ADAT1: variants seen among roughly 807,000 people sequenced by gnomAD.
ADAT1 encodes adenosine deaminase tRNA specific 1.
Under a neutral mutation model 58.6 loss-of-function variants are expected in ADAT1, and 58 were observed. That is an observed-to-expected ratio of 0.99 (90% confidence interval 0.80 to 1.23). The LOEUF is 1.23. Ranked by LOEUF, ADAT1 falls within the 50% of genes most tolerant of loss-of-function variation. ADAT1 has a pLI of 0.00. For synonymous variants in ADAT1, 254 were observed against 220.8 expected (o/e 1.15, Z -1.33); for missense variants, 741 against 608.6 (o/e 1.22, Z -2.29).
In ADAT1 at chr16:75,604,028, G is replaced by C. The variant is rs924590434; in HGVS notation, c.1290-857C>G. Among the ~76,000 whole-genome samples, 16 of 152,202 alleles carry C rather than the reference G, an allele frequency of 1.1e-4. No individual in the cohort carries two copies. In the East Asian group the frequency reaches 3.1e-3, roughly 29 times the overall value. On this transcript the variant is annotated intron_variant, in intron 8 of 9. Coordinates refer to ENST00000564657, the MANE Select transcript of ADAT1 (RefSeq NM_001324445.2). ...GAGCACTCAGACACTGCTCTCCCAG[G>C]GCCTTAGCTGGAGTGGCTGCTGGCA... is the stretch of plus-strand genomic sequence containing the variant.
Position 75,612,627 on chromosome 16 carries a change from T to C in ADAT1, c.659A>G (p.Lys220Arg). The C allele has an allele frequency of 6.2e-7, 1 of 1,614,068 alleles. No homozygotes were observed. The highest frequency in any genetic ancestry group is 8.5e-7 in the Non-Finnish European group (1 of 1,180,018). ...NGAAHHQSFGKQKSGPISPGI... is the reference protein window; with the variant it reads ...NGAAHHQSFGRQKSGPISPGI... ...TGGTGAGATTGGGCCACTTTTCTGC[T>C]TGCCAAAACTCTGATGGTGAGCTGC... Residue 220 changes from lysine to arginine, a missense_variant, in exon 6 of 10, where the codon AAG becomes AGG. Coordinates refer to ENST00000564657, the MANE Select transcript of ADAT1 (RefSeq NM_001324445.2).
At position 75,618,653 on chromosome 16, in the gene ADAT1, T is replaced by A; in HGVS notation, c.239-13A>T. 1 of 1,612,714 alleles carries A rather than the reference T, an allele frequency of 6.2e-7. No individual in the cohort carries two copies. Among genetic ancestry groups the A allele is most frequent in the Non-Finnish European group, 8.5e-7 (1 of 1,179,436 alleles). ...TTGAGGATGTCTCCTGCGGCAAAGATAGGACACCAGGTGAAGACATATGGA... is the reference window on the plus strand; with the variant it reads ...TTGAGGATGTCTCCTGCGGCAAAGAAAGGACACCAGGTGAAGACATATGGA... On this transcript the variant is annotated splice_polypyrimidine_tract_variant and intron_variant, in intron 3 of 9. Transcript: ENST00000564657.
chr16:75,617,398 G>T, intron 4 of ADAT1, 126 bp from the exon 5 acceptor site: 1 of 1,051,606 alleles, frequency 9.5e-7, no homozygotes, highest in Non-Finnish European at 1.4e-6. Flanking sequence ...GGGGAATTAT[G>T]AGAATGCTCT....
intron 6 of ADAT1, among the ~76,000 whole-genome samples, chr16:75,612,033 G>A (rs2081553151): frequency 6.6e-6 from 1 of 152,154 alleles, no homozygotes; most frequent in Non-Finnish European, 1.5e-5. Context: ...ACCCCAGCCT[G>A]GGTGACAGAG....
chr16:75,616,067 G>A (rs1261339481), intron 5 of ADAT1, among the ~76,000 whole-genome samples: 9 of 150,694 alleles, frequency 6.0e-5, no homozygotes, highest in South Asian at 2.1e-4. Flanking sequence ...GGAGTGCAAC[G>A]GCGCAATCTC....
chr16:75,610,288 T>C (rs1004659409), intron 6 of ADAT1, among the ~76,000 whole-genome samples: 1 of 152,126 alleles, frequency 6.6e-6, no homozygotes. Flanking sequence ...TTTTGTTATA[T>C]ACATATACAC....
chr16:75,605,664 G>A (rs748695324), intron 8 of ADAT1, among the ~76,000 whole-genome samples: 3 of 151,808 alleles, frequency 2.0e-5, no homozygotes, highest in Admixed American at 6.6e-5. Context: ...GGCTGGGTGT[G>A]GTGGCTTATA....
At chr16:75,608,109 G>A in intron 8 of ADAT1, 115 bp downstream of exon 8, 1 of 807,472 alleles carries the variant, frequency 1.2e-6, no homozygotes. Flanking sequence ...GGGATAGGTA[G>A]TGACTGCTAA....
rs374221390 is a variant in ADAT1, at chr16:75,620,259, T to A, written c.238+7A>T. 3.4e-4 allele frequency: 553 copies of A among 1,613,856 alleles called. 2 individuals carry two copies. The highest frequency in any genetic ancestry group is 2.1e-4 in the Non-Finnish European group (242 of 1,179,848). On this transcript the variant is annotated splice_region_variant and intron_variant, in intron 3 of 9. Transcript: ENST00000564657. ...AAATCTTTGTTTAGATTCCCACCCG[T>A]GCTTACCGTTCTTCCTCATTTTGGA... is the stretch of plus-strand genomic sequence containing the variant.
At chr16:75,605,990 A>T (rs190139057) in intron 8 of ADAT1, among the ~76,000 whole-genome samples, 1 of 148,296 alleles carries the variant, frequency 6.7e-6, no homozygotes, top group African/African-American at 2.5e-5. Flanking sequence ...TTCCCAGACT[A>T]ATTAGAATTA....
intron 8 of ADAT1, among the ~76,000 whole-genome samples, chr16:75,603,728 A>T (rs965950453): frequency 2.6e-5 from 4 of 152,126 alleles, no homozygotes; most frequent in African/African-American, 9.7e-5. Context: ...CTACTTTATA[A>T]GCCCACCCAG....
chr16:75,609,366 AT>A (rs901772387), intron 6 of ADAT1, among the ~76,000 whole-genome samples: 63 of 152,176 alleles, frequency 4.1e-4, no homozygotes, highest in African/African-American at 1.4e-3. Flanking sequence ...TAAAAGCTTC[AT>A]TTTTTTCTCT....
chr16:75,606,842 TA>T lies in ADAT1; in HGVS notation c.1289+1381del, dbSNP rs556389704. Reference sequence around the variant, plus strand: ...AGATAACTAACATACATTTAAGGAATAAATCTAATACAAGATGTGAAAGATT... The same window carrying T: ...AGATAACTAACATACATTTAAGGAATAATCTAATACAAGATGTGAAAGATT... On this transcript the variant is annotated intron_variant, in intron 8 of 9. Coordinates refer to ENST00000564657, the MANE Select transcript of ADAT1 (RefSeq NM_001324445.2). 3.2e-3 allele frequency among the ~76,000 whole-genome samples: 493 copies of T among 152,348 alleles called. 1 individual carries two copies. Among genetic ancestry groups the T allele is most frequent in the Non-Finnish European group, 5.4e-3 (369 of 68,032 alleles).
intron 4 of ADAT1, among the ~76,000 whole-genome samples, chr16:75,617,654 G>C (rs2081777940): frequency 6.7e-6 from 1 of 148,332 alleles, no homozygotes; most frequent in Non-Finnish European, 1.5e-5. Context: ...TTTTTTTTTA[G>C]AAAAATAAAA....
At chr16:75,615,593 G>A (rs2081682946) in intron 5 of ADAT1, among the ~76,000 whole-genome samples, 1 of 150,298 alleles carries the variant, frequency 6.7e-6, no homozygotes, top group Non-Finnish European at 1.5e-5. Flanking sequence ...GTCCTGGGCT[G>A]CATGTAGCCA....
intron 6 of ADAT1, among the ~76,000 whole-genome samples, chr16:75,610,638 C>G (rs528663605): frequency 7.9e-5 from 12 of 152,172 alleles, no homozygotes; most frequent in Non-Finnish European, 1.6e-4. Flanking sequence ...TGGGTTGTAC[C>G]TAGGAGTGGA....
At position 75,608,207 on chromosome 16, in the gene ADAT1, G is replaced by GC; in HGVS notation, c.1289+16dup. On this transcript the variant is annotated intron_variant, in intron 8 of 9. Coordinates refer to ENST00000564657, the MANE Select transcript of ADAT1 (RefSeq NM_001324445.2). Reference sequence around the variant, plus strand: ...GAGTTCACAGCCACCATCTCCTCCTGCCCCAATATGCTGTACCTTGCCTGA... The same window carrying GC: ...GAGTTCACAGCCACCATCTCCTCCTGCCCCCAATATGCTGTACCTTGCCTGA... 6.2e-7 allele frequency: 1 copy of GC among 1,607,090 alleles called. No individual in the cohort carries two copies. Among genetic ancestry groups the GC allele is most frequent in the Non-Finnish European group, 8.5e-7 (1 of 1,173,862 alleles).
At chr16:75,600,470 A>T in intron 9 of ADAT1, 122 bp from the exon 10 acceptor site, 1 of 1,449,068 alleles carries the variant, frequency 6.9e-7, no homozygotes, top group African/African-American at 1.4e-5. Context: ...GAAGGAGTTC[A>T]GTATGCTTTT....
intron 3 of ADAT1, 25 bp from the exon 4 acceptor site, chr16:75,618,665 T>C (rs2081827948): frequency 1.2e-6 from 2 of 1,612,304 alleles, no homozygotes; most frequent in Non-Finnish European, 1.7e-6. Context: ...GGACACCAGG[T>C]GAAGACATAT....
Sources: allele counts gnomAD v4.1 joint callset (sites outside exome capture counted in the v4.1 genomes callset), GRCh38; gene constraint gnomAD v4.1.1; transcripts MANE v1.5; gene names NCBI Gene and HGNC (gene_info 2026-07-23, HGNC 2026-07-21).